Variants in NFIB observed in about 807,000 individuals in gnomAD.
NFIB encodes the protein nuclear factor I B, also known as nuclear factor 1 B-type.
NFIB carries 11 observed loss-of-function variants against 61.5 expected under a neutral mutation model. The observed-to-expected ratio is 0.18, with a 90% CI of 0.11 to 0.30. The LOEUF (loss-of-function observed/expected upper bound fraction) is 0.30. NFIB is among the 10% of genes least tolerant of loss of function. The pLI, the probability that NFIB is intolerant of heterozygous loss-of-function variation, is 1.00. For synonymous variants in NFIB, 260 were observed against 216.5 expected, an observed-to-expected ratio of 1.20 and a Z score of -1.76; for missense variants, 471 against 608.9, an observed-to-expected ratio of 0.77 and a Z score of 2.38.
intron 6 of NFIB, among the ~76,000 whole-genome samples, chr9:14,128,277 G>T (rs1030543145): frequency 6.6e-6 from 1 of 151,978 alleles, no homozygotes; most frequent in Non-Finnish European, 1.5e-5. Context: ...AAGAAACTGG[G>T]AACTTTTTAT....
intron 10 of NFIB, among the ~76,000 whole-genome samples, chr9:14,101,556 ACT>A (rs1333370020): frequency 6.6e-6 from 1 of 152,106 alleles, no homozygotes; most frequent in Non-Finnish European, 1.5e-5. Flanking sequence ...AATTATGTCA[ACT>A]CTATCTGGTG....
intron 2 of NFIB, among the ~76,000 whole-genome samples, chr9:14,229,961 C>T (rs1467945996): frequency 1.3e-5 from 2 of 152,122 alleles, no homozygotes; most frequent in Admixed American, 6.6e-5. Context: ...CCACCATGTC[C>T]GGCTAATTAT....
At chr9:14,424,477 T>C in the NFIB span, among the ~76,000 whole-genome samples, 1 of 152,256 alleles carries the variant, frequency 6.6e-6, no homozygotes, top group Non-Finnish European at 1.5e-5. Context: ...CAGCATTCCC[T>C]AAACTTATTC....
intron 10 of NFIB, among the ~76,000 whole-genome samples, chr9:14,108,668 G>C (rs1587251693): frequency 1.3e-5 from 2 of 152,114 alleles, no homozygotes; most frequent in East Asian, 3.9e-4. Flanking sequence ...GACCTGAATT[G>C]ATCAGGCCAC....
chr9:14,218,816 C>T (rs1210191779), intron 2 of NFIB, among the ~76,000 whole-genome samples: 1 of 152,124 alleles, frequency 6.6e-6, no homozygotes, highest in Non-Finnish European at 1.5e-5. Context: ...CTTGTTAAGT[C>T]CAGGTAATTT....
At chr9:14,115,880 C>T (rs2038055414) in intron 9 of NFIB, among the ~76,000 whole-genome samples, 1 of 152,118 alleles carries the variant, frequency 6.6e-6, no homozygotes, top group African/African-American at 2.4e-5. Flanking sequence ...TTGTATTCTG[C>T]GTTATGTTAC....
rs550542160 is a variant in NFIB, at chr9:14,257,141, CT to C, written c.562+49847del. ...CTTTGACACCTACTAACTGTTTAAC[CT>C]TGGTTAAGTTGGTTAACACAGAGGC... On this transcript the variant is annotated intron_variant, in intron 2 of 10. Coordinates refer to ENST00000380953, the MANE Select transcript of NFIB (RefSeq NM_001190737.2). Among the ~76,000 whole-genome samples the C allele has an allele frequency of 8.5e-5, 13 of 152,298 alleles. No individual in the cohort carries two copies. The South Asian group carries it at 2.7e-3, about 32-fold the overall frequency.
chr9:14,247,880 T>C (rs1587906463), intron 2 of NFIB, among the ~76,000 whole-genome samples: 3 of 152,190 alleles, frequency 2.0e-5, no homozygotes, highest in East Asian at 3.9e-4. Context: ...AGTAGATATC[T>C]GCCCTGTTTG....
intron 1 of NFIB, among the ~76,000 whole-genome samples, chr9:14,343,970 AC>A (rs1156532653): frequency 6.6e-5 from 10 of 152,248 alleles, no homozygotes; most frequent in African/African-American, 1.2e-4. Flanking sequence ...AAAATAGGCC[AC>A]CGTGACAACT....
intron 2 of NFIB, among the ~76,000 whole-genome samples, chr9:14,227,598 T>C (rs2052593777): frequency 6.6e-6 from 1 of 152,206 alleles, no homozygotes; most frequent in African/African-American, 2.4e-5. Flanking sequence ...GGTACTGTAA[T>C]CATGGTTTTT....
chr9:14,370,111 T>C (rs2061343175), intron 1 of NFIB, among the ~76,000 whole-genome samples: 1 of 152,330 alleles, frequency 6.6e-6, no homozygotes, highest in South Asian at 2.1e-4. Context: ...TGTGCCTCCC[T>C]TCAAGCAGCT....
chr9:14,138,890 T>C (rs2041365753), intron 6 of NFIB, among the ~76,000 whole-genome samples: 1 of 143,776 alleles, frequency 7.0e-6, no homozygotes, highest in South Asian at 2.3e-4. Flanking sequence ...AATAGTTGAT[T>C]TATGTGTGTG....
intron 6 of NFIB, among the ~76,000 whole-genome samples, chr9:14,142,697 T>C (rs2041880016): frequency 6.6e-6 from 1 of 152,156 alleles, no homozygotes; most frequent in Non-Finnish European, 1.5e-5. Context: ...ATGGAGGAAG[T>C]ATTGGAATAA....
At chr9:14,433,395 T>G in the NFIB span, among the ~76,000 whole-genome samples, 2 of 152,254 alleles carry the variant, frequency 1.3e-5, no homozygotes, top group African/African-American at 4.8e-5. Context: ...AACTGGCTTC[T>G]TACATTATCC....
In NFIB at chr9:14,146,791, T is replaced by C. The variant is rs780997298; in HGVS notation, c.823A>G (p.Ile275Val). 11 of 1,604,848 alleles carry C rather than the reference T, an allele frequency of 6.9e-6. No homozygotes were observed. Among genetic ancestry groups the C allele is most frequent in the African/African-American group, 1.3e-5 (1 of 74,176 alleles). Reference sequence around the variant, plus strand: ...GGTTCCATATTTTCATCTATGGATATAGTTTTGGGTCTTTTGCTGTTAAAA... The same window carrying C: ...GGTTCCATATTTTCATCTATGGATACAGTTTTGGGTCTTTTGCTGTTAAAA... The part of the protein sequence containing the change: ...SPPSSKRPKT[I>V]SIDENMEPSP... Residue 275 changes from isoleucine to valine, a missense_variant, in exon 6 of 11, where the codon ATA becomes GTA. Ile to Val is a conservative substitution (Grantham distance 29). Coordinates refer to ENST00000380953, the MANE Select transcript of NFIB (RefSeq NM_001190737.2).
At chr9:14,476,522 A>G in the NFIB span, among the ~76,000 whole-genome samples, 12 of 152,172 alleles carry the variant, frequency 7.9e-5, no homozygotes, top group African/African-American at 7.2e-5. Flanking sequence ...GGTAGGATAT[A>G]AAATCCCCAT....
chr9:14,512,026 T>A, the NFIB span, among the ~76,000 whole-genome samples: 1 of 152,216 alleles, frequency 6.6e-6, no homozygotes, highest in African/African-American at 2.4e-5. Flanking sequence ...TCCTCAAGCC[T>A]TTAAAGAGAT....
chr9:14,256,195 C>A (rs572614107), intron 2 of NFIB, among the ~76,000 whole-genome samples: 19 of 152,296 alleles, frequency 1.2e-4, no homozygotes, highest in African/African-American at 4.6e-4. Flanking sequence ...AACAAAAACA[C>A]TAATCAAATT....
At chr9:14,280,280 C>T (rs2058282693) in intron 2 of NFIB, among the ~76,000 whole-genome samples, 1 of 152,038 alleles carries the variant, frequency 6.6e-6, no homozygotes, top group African/African-American at 2.4e-5. Context: ...TCTTTCGTTC[C>T]CTCACATGTA....
Sources: gnomAD v4.1 joint callset for allele counts (sites outside exome capture counted in the v4.1 genomes callset) on GRCh38, gnomAD v4.1.1 for gene constraint, MANE v1.5 for transcripts, NCBI Gene and HGNC (gene_info 2026-07-23, HGNC 2026-07-21) for gene names.